Variants in CLIC5 observed in about 807,000 individuals in gnomAD.
CLIC5 encodes chloride intracellular channel protein 5.
CLIC5 carries 20 observed loss-of-function variants against 24.7 expected under a neutral mutation model. That is an observed-to-expected ratio of 0.81 (90% CI 0.57 to 1.18). The LOEUF (loss-of-function observed/expected upper bound fraction) is 1.18, where lower values mean the gene tolerates loss of function less well. CLIC5 is among the 50% of genes most tolerant of loss of function. The pLI, the probability that CLIC5 is intolerant of heterozygous loss-of-function variation, is 0.00. For synonymous variants in CLIC5, 159 were observed against 135.6 expected, an observed-to-expected ratio of 1.17 and a Z score of -1.20; for missense variants, 341 against 326.1, an observed-to-expected ratio of 1.05 and a Z score of -0.35.
chr6:46,109,936 A>T, the CLIC5 span, among the ~76,000 whole-genome samples: 1 of 149,348 alleles, frequency 6.7e-6, no homozygotes, highest in Non-Finnish European at 1.5e-5. Flanking sequence ...TGGAATACCA[A>T]ATTCTGTGCT....
intron 1 of CLIC5, among the ~76,000 whole-genome samples, chr6:46,000,885 C>G (rs1232803030): frequency 1.3e-5 from 2 of 152,130 alleles, no homozygotes; most frequent in African/African-American, 2.4e-5. Flanking sequence ...CACAGAGCCT[C>G]TTTTTCCAGC....
chr6:46,070,449 A>C (rs547391605), intron 1 of CLIC5, among the ~76,000 whole-genome samples: 1 of 152,344 alleles, frequency 6.6e-6, no homozygotes, highest in Admixed American at 6.5e-5. Context: ...TGAGAGCCAA[A>C]TCAGGAATGC....
chr6:46,093,648 T>C, the CLIC5 span, among the ~76,000 whole-genome samples: 6 of 152,226 alleles, frequency 3.9e-5, no homozygotes, highest in Admixed American at 1.3e-4. Context: ...GATGTCTGAG[T>C]GCCTGAATTC....
At chr6:45,948,243 C>T (rs958056737) in intron 3 of CLIC5, among the ~76,000 whole-genome samples, 6 of 152,146 alleles carry the variant, frequency 3.9e-5, no homozygotes, top group Admixed American at 1.3e-4. Flanking sequence ...AGTCAAATCT[C>T]ACTAACTTTA....
At chr6:46,032,981 ATTTTTT>A (rs35845581) in intron 1 of CLIC5, among the ~76,000 whole-genome samples, 5 of 79,034 alleles carry the variant, frequency 6.3e-5, no homozygotes, top group African/African-American at 2.4e-4. Flanking sequence ...GGAAATCTAC[ATTTTTT>A]TTTTTTTTTT....
At chr6:46,087,729 G>A in the CLIC5 span, among the ~76,000 whole-genome samples, 540 of 152,250 alleles carry the variant, frequency 3.5e-3, 3 homozygotes, top group African/African-American at 0.012. Flanking sequence ...TGAACCTGCT[G>A]ATACCTGATA....
At chr6:45,895,743 G>T (rs1157557283), downstream of CLIC5, among the ~76,000 whole-genome samples, 1 of 152,210 alleles carries the variant, frequency 6.6e-6, no homozygotes. Flanking sequence ...TGTAATTGGG[G>T]ACAGGGTGGT....
intron 1 of CLIC5, among the ~76,000 whole-genome samples, chr6:45,985,939 T>C (rs1042977408): frequency 6.6e-6 from 1 of 152,046 alleles, no homozygotes; most frequent in African/African-American, 2.4e-5. Context: ...GGGAGGTAAT[T>C]GAATCATGGG....
intron 4 of CLIC5, among the ~76,000 whole-genome samples, chr6:45,919,486 C>T (rs1233068957): frequency 6.6e-6 from 1 of 152,124 alleles, no homozygotes; most frequent in Admixed American, 6.5e-5. Flanking sequence ...TTCCCTGACC[C>T]TCCCCCCCAC....
At chr6:45,950,051 T>C (rs867971774) in intron 2 of CLIC5, among the ~76,000 whole-genome samples, 1 of 152,282 alleles carries the variant, frequency 6.6e-6, no homozygotes, top group Middle Eastern at 3.4e-3. Flanking sequence ...ATGAAGATGT[T>C]TTCAAAAGTC....
chr6:46,033,487 C>A (rs1441202639), intron 1 of CLIC5, among the ~76,000 whole-genome samples: 1 of 152,156 alleles, frequency 6.6e-6, no homozygotes, highest in African/African-American at 2.4e-5. Flanking sequence ...TGATAACCTC[C>A]GTGGGCTCAT....
intron 4 of CLIC5, among the ~76,000 whole-genome samples, chr6:45,936,134 A>G (rs1270010460): frequency 6.6e-6 from 1 of 150,642 alleles, no homozygotes; most frequent in Non-Finnish European, 1.5e-5. Context: ...GCATTTTTAT[A>G]CCAGAACTCT....
At chr6:45,974,497 G>GTA (rs1554154071) in intron 1 of CLIC5, among the ~76,000 whole-genome samples, 1,284 of 75,652 alleles carry the variant, frequency 0.017, 20 homozygotes, top group Non-Finnish European at 0.022. Context: ...GTGTGTGTGT[G>GTA]TATATATATA....
At chr6:45,929,852 A>G (rs1260663554) in intron 4 of CLIC5, among the ~76,000 whole-genome samples, 2 of 152,160 alleles carry the variant, frequency 1.3e-5, no homozygotes, top group Non-Finnish European at 1.5e-5. Flanking sequence ...TAGGTTTCAC[A>G]TTCCTGCTGC....
the CLIC5 span, among the ~76,000 whole-genome samples, chr6:46,115,680 T>A: frequency 6.6e-6 from 1 of 152,350 alleles, no homozygotes; most frequent in Non-Finnish European, 1.5e-5. Context: ...AAAAATTATG[T>A]CACTGAAACA....
At chr6:45,963,464 C>A (rs904786320) in intron 1 of CLIC5, among the ~76,000 whole-genome samples, 1 of 152,122 alleles carries the variant, frequency 6.6e-6, no homozygotes, top group African/African-American at 2.4e-5. Flanking sequence ...ATGCACTGGC[C>A]TGCCTGTGGA....
At chr6:46,010,898 C>T (rs929793867) in intron 1 of CLIC5, among the ~76,000 whole-genome samples, 8 of 152,090 alleles carry the variant, frequency 5.3e-5, no homozygotes, top group African/African-American at 1.9e-4. Context: ...CTTTAAAAAC[C>T]TAGTGAGCTC....
intron 1 of CLIC5, among the ~76,000 whole-genome samples, chr6:46,072,489 G>T (rs1021603849): frequency 6.6e-6 from 1 of 152,150 alleles, no homozygotes; most frequent in African/African-American, 2.4e-5. Flanking sequence ...AATTAGTGAT[G>T]CTGTCCAGGA....
intron 1 of CLIC5, among the ~76,000 whole-genome samples, chr6:46,009,982 G>A (rs972863369): frequency 2.6e-5 from 4 of 152,186 alleles, no homozygotes; most frequent in Non-Finnish European, 4.4e-5. Context: ...CAGCAGTCCA[G>A]TCAGAGGCAG....
Sources: gnomAD v4.1 joint callset for allele counts (sites outside exome capture counted in the v4.1 genomes callset) on GRCh38, gnomAD v4.1.1 for gene constraint, MANE v1.5 for transcripts, NCBI Gene and HGNC (gene_info 2026-07-23, HGNC 2026-07-21) for gene names.